ARHGAP39: variants seen among roughly 807,000 people sequenced by gnomAD.
ARHGAP39 encodes rho GTPase-activating protein 39.
Under a neutral mutation model 106.9 loss-of-function variants are expected in ARHGAP39, and 44 were observed. The ratio of observed to expected loss-of-function variants is 0.41; its 90% CI spans 0.32 to 0.53. The LOEUF (loss-of-function observed/expected upper bound fraction) is 0.53. ARHGAP39 is among the 20% of genes least tolerant of loss of function. The pLI, the probability that ARHGAP39 is intolerant of heterozygous loss-of-function variation, is 0.21. For synonymous variants in ARHGAP39, 768 were observed against 693.2 expected (o/e 1.11, Z -1.69); for missense variants, 1,496 against 1,577.3 (o/e 0.95, Z 0.87).
At chr8:144,541,840 C>T (rs1209058686) in intron 6 of ARHGAP39, among the ~76,000 whole-genome samples, 1 of 152,154 alleles carries the variant, frequency 6.6e-6, no homozygotes, top group South Asian at 2.1e-4. Context: ...CCATTACAGT[C>T]CTGGCTCCCA....
chr8:144,670,165 G>C lies in ARHGAP39; in HGVS notation c.-82+15521C>G. ...TAGAGCGTACCGGGAAGCAGGATCA[G>C]GGCCTGGGACCAGGCGGCTGTAAAA... is the stretch of plus-strand genomic sequence containing the variant. On this transcript the variant is annotated intron_variant, in intron 1 of 11. Coordinates refer to ENST00000377307, the MANE Select transcript of ARHGAP39 (RefSeq NM_025251.3). This position sits in a 1 kb window ranked among gnomAD's most constrained non-coding sequence, Gnocchi z 4.4. 6.6e-6 allele frequency among the ~76,000 whole-genome samples: 1 copy of C among 152,190 alleles called. No individual in the cohort carries two copies. Among genetic ancestry groups the C allele is most frequent in the East Asian group, 1.9e-4 (1 of 5,198 alleles).
chr8:144,537,884 A>G (rs559345687), intron 6 of ARHGAP39, 71 bp from the exon 7 acceptor site: 161 of 1,422,052 alleles, frequency 1.1e-4, no homozygotes, highest in Admixed American at 3.3e-4. Context: ...CAGCTCCCGC[A>G]CTTGGCTGGT....
intron 1 of ARHGAP39, among the ~76,000 whole-genome samples, chr8:144,638,214 C>A (rs564275464): frequency 4.8e-4 from 73 of 152,326 alleles, no homozygotes; most frequent in African/African-American, 1.7e-3. Context: ...GAGAAGGCAG[C>A]CGGCCGTCTG....
At chr8:144,698,190 T>G in the ARHGAP39 span, among the ~76,000 whole-genome samples, 1 of 152,158 alleles carries the variant, frequency 6.6e-6, no homozygotes. Context: ...AAAAGCTGGT[T>G]GTTTAAACAA....
intron 2 of ARHGAP39, among the ~76,000 whole-genome samples, chr8:144,588,685 C>A (rs1046528994): frequency 1.8e-4 from 28 of 152,266 alleles, no homozygotes; most frequent in Non-Finnish European, 3.4e-4. Flanking sequence ...TCCGTCAAAC[C>A]CAGCGAGGGT....
intron 2 of ARHGAP39, among the ~76,000 whole-genome samples, chr8:144,594,155 A>T (rs1819510537): frequency 6.6e-6 from 1 of 152,126 alleles, no homozygotes; most frequent in Non-Finnish European, 1.5e-5. Flanking sequence ...GGACAGACAC[A>T]TCTCCAAAGA....
intron 1 of ARHGAP39, 146 bp from the exon 2 acceptor site, chr8:144,605,841 A>C: frequency 5.3e-6 from 3 of 565,638 alleles, no homozygotes; most frequent in East Asian, 3.0e-5. Context: ...AGCCAACCCC[A>C]CTCCTCAGTG....
Position 144,678,014 on chromosome 8 carries a change from G to A in ARHGAP39, c.-82+7672C>T, listed in dbSNP as rs1044641964. ...GTCAACGAGTCCCTCCCCCTGCTGC[G>A]CCAGCCATTCTCTGAGGGCAACTCC... On this transcript the variant is annotated intron_variant, in intron 1 of 11. Transcript: ENST00000377307. Among the ~76,000 whole-genome samples, 278 of 152,282 alleles carry A rather than the reference G, an allele frequency of 1.8e-3. 3 individuals carry two copies. The highest frequency in any genetic ancestry group is 6.5e-3 in the African/African-American group (269 of 41,558).
the ARHGAP39 span, among the ~76,000 whole-genome samples, chr8:144,699,823 C>A: frequency 2.0e-5 from 3 of 152,124 alleles, no homozygotes; most frequent in Non-Finnish European, 2.9e-5. Context: ...CCAGTCACAG[C>A]GCCTTCCTCC....
intron 3 of ARHGAP39, among the ~76,000 whole-genome samples, chr8:144,572,279 C>A (rs950150814): frequency 5.3e-5 from 8 of 152,060 alleles, no homozygotes; most frequent in African/African-American, 1.2e-4. Flanking sequence ...CAGAACAGAG[C>A]TATAGATCAA....
At chr8:144,695,148 T>C in the ARHGAP39 span, among the ~76,000 whole-genome samples, 229 of 31,162 alleles carry the variant, frequency 7.3e-3, no homozygotes, top group Middle Eastern at 0.036. Flanking sequence ...TATCTCAGCT[T>C]ACTGCAAGCT....
At chr8:144,617,374 G>A (rs1017802152) in intron 1 of ARHGAP39, among the ~76,000 whole-genome samples, 1 of 140,980 alleles carries the variant, frequency 7.1e-6, no homozygotes, top group Non-Finnish European at 1.7e-5. Context: ...CAAGAGCCAG[G>A]AGACCTGAGC....
intron 3 of ARHGAP39, among the ~76,000 whole-genome samples, chr8:144,571,428 A>C (rs1440001139): frequency 6.6e-6 from 1 of 152,212 alleles, no homozygotes; most frequent in East Asian, 1.9e-4. Context: ...CTTCAACAAA[A>C]TTCGACAGCG....
intron 1 of ARHGAP39, among the ~76,000 whole-genome samples, chr8:144,622,159 C>T (rs952176414): frequency 1.3e-5 from 2 of 152,166 alleles, no homozygotes; most frequent in African/African-American, 4.8e-5. Flanking sequence ...ACAGGCAGAC[C>T]GCCTCTGCCT....
At chr8:144,589,678 G>A (rs911231511) in intron 2 of ARHGAP39, among the ~76,000 whole-genome samples, 4 of 152,226 alleles carry the variant, frequency 2.6e-5, no homozygotes, top group Non-Finnish European at 5.9e-5. Flanking sequence ...GCTGGCAAAC[G>A]CCGCCATCGT....
chr8:144,648,477 C>T lies in ARHGAP39; in HGVS notation c.-82+37209G>A, dbSNP rs139737975. Reference sequence around the variant, plus strand: ...CCCTCACTACAGAACTACTGAAGGGCTCGTTCCAGAAAGAAAACAGCCTAG... The same window carrying T: ...CCCTCACTACAGAACTACTGAAGGGTTCGTTCCAGAAAGAAAACAGCCTAG... On this transcript the variant is annotated intron_variant, in intron 1 of 11. Coordinates refer to ENST00000377307, the MANE Select transcript of ARHGAP39 (RefSeq NM_025251.3). 4.8e-3 allele frequency among the ~76,000 whole-genome samples: 731 copies of T among 152,338 alleles called. 7 individuals are homozygous for T. The highest frequency in any genetic ancestry group is 0.016 in the African/African-American group (685 of 41,570).
At chr8:144,660,878 G>C (rs1271342094) in intron 1 of ARHGAP39, among the ~76,000 whole-genome samples, 9 of 152,092 alleles carry the variant, frequency 5.9e-5, no homozygotes, top group African/African-American at 2.2e-4. Context: ...CAGCTACTCG[G>C]GACGCTGAGG....
intron 1 of ARHGAP39, among the ~76,000 whole-genome samples, chr8:144,648,176 CCTCCAGGG>C (rs774966992): frequency 4.6e-5 from 7 of 152,094 alleles, no homozygotes; most frequent in Non-Finnish European, 7.4e-5. Flanking sequence ...CCCAGCTGCT[CCTCCAGGG>C]CCCCAGCTGC....
intron 2 of ARHGAP39, among the ~76,000 whole-genome samples, chr8:144,600,199 G>A (rs539833706): frequency 1.1e-4 from 16 of 151,764 alleles, no homozygotes; most frequent in East Asian, 1.9e-4. Context: ...ACCTACCTGC[G>A]TGTGCGTGTG....
Sources: gnomAD v4.1 joint callset for allele counts (sites outside exome capture counted in the v4.1 genomes callset) on GRCh38, gnomAD v4.1.1 for gene constraint, Gnocchi (gnomAD v3.1) non-coding constraint, MANE v1.5 for transcripts, NCBI Gene and HGNC (gene_info 2026-07-23, HGNC 2026-07-21) for gene names.